CACNA1H: variants seen among roughly 807,000 people sequenced by gnomAD.
CACNA1H encodes the protein calcium voltage-gated channel subunit alpha1 H, also known as voltage-dependent T-type calcium channel subunit alpha-1H.
A neutral mutation model predicts 192.5 loss-of-function variants in CACNA1H; 149 were observed. The observed-to-expected ratio is 0.77, with a 90% CI of 0.68 to 0.89. The LOEUF is 0.89. Among genes scored for constraint, CACNA1H ranks in the 40% least tolerant of loss-of-function variants. The pLI is 0.00. For synonymous variants in CACNA1H, 2,202 were observed against 1,475.2 expected, an observed-to-expected ratio of 1.49 and a Z score of -11.29; for missense variants, 4,257 against 3,423.5, an observed-to-expected ratio of 1.24 and a Z score of -6.08.
chr16:1,206,337 A>T (rs577105128), intron 12 of CACNA1H, 48 bp downstream of exon 12: 2 of 1,516,776 alleles, frequency 1.3e-6, no homozygotes, highest in African/African-American at 2.8e-5. Flanking sequence ...ACCCCAGGGC[A>T]GCTGGGAGGC....
chr16:1,195,413 C>T lies in CACNA1H; in HGVS notation c.412-19C>T, dbSNP rs1431849372. 1.2e-5 allele frequency: 19 copies of T among 1,550,768 alleles called. No homozygotes were observed. Among genetic ancestry groups the T allele is most frequent in the Non-Finnish European group, 1.4e-5 (16 of 1,146,924 alleles). The stretch of plus-strand genomic sequence containing the variant: ...GAGCTGAGCTGTTCCACGGGCCCTC[C>T]TGATGCCTCCTCCCGCAGGCCTTTG... On this transcript the variant is annotated intron_variant, in intron 3 of 34. Coordinates refer to ENST00000348261, the MANE Select transcript of CACNA1H (RefSeq NM_021098.3).
At chr16:1,155,676 C>T (rs542447395) in intron 2 of CACNA1H, among the ~76,000 whole-genome samples, 24 of 152,302 alleles carry the variant, frequency 1.6e-4, no homozygotes, top group African/African-American at 3.4e-4. Context: ...TTCACAGCCC[C>T]GGGCCTGGCT....
At chr16:1,177,748 G>A (rs1302245508) in intron 2 of CACNA1H, among the ~76,000 whole-genome samples, 1 of 151,876 alleles carries the variant, frequency 6.6e-6, no homozygotes, top group South Asian at 2.1e-4. Flanking sequence ...GCAGACGCCT[G>A]CTTCTGCCTG....
intron 34 of CACNA1H, among the ~76,000 whole-genome samples, chr16:1,219,340 C>T (rs1019570101): frequency 3.3e-5 from 5 of 152,232 alleles, no homozygotes; most frequent in African/African-American, 9.6e-5. Flanking sequence ...CCTGTGGCTA[C>T]AGAGCTCTTG....
chr16:1,218,668 G>A lies in CACNA1H; in HGVS notation c.5887+17G>A, dbSNP rs1200774010. On this transcript the variant is annotated intron_variant, in intron 33 of 34. Transcript: ENST00000348261. ...CCCCCTTGGGTATGGTAGCCAGCAG[G>A]AAGATATGGGCTGGGTGGGAAGCAG... 2.1e-6 allele frequency: 3 copies of A among 1,459,978 alleles called. No homozygotes were observed. Among genetic ancestry groups the A allele is most frequent in the Non-Finnish European group, 2.7e-6 (3 of 1,091,962 alleles). 90.4% of individuals were successfully genotyped at this position (1,459,978 alleles called of 1,614,324 possible). A position where few individuals can be genotyped will look rare whatever the true frequency, so the allele number is the denominator to read the frequency against.
rs1596338554 is a variant in CACNA1H, at chr16:1,180,469, G to T, written c.300-14503G>T. ...CCAGTGGTGGGACTGGAGGTGCCGT[G>T]GAGGGTGGGCCTGTGTCCTGGTGTC... On this transcript the variant is annotated intron_variant, in intron 2 of 34. Coordinates refer to ENST00000348261, the MANE Select transcript of CACNA1H (RefSeq NM_021098.3). This position sits in a 1 kb window ranked among gnomAD's most constrained non-coding sequence, Gnocchi z 4.4. 3.9e-5 allele frequency among the ~76,000 whole-genome samples: 6 copies of T among 152,290 alleles called. No individual in the cohort carries two copies. The South Asian group carries it at 1.2e-3, about 32-fold the overall frequency.
intron 9 of CACNA1H, among the ~76,000 whole-genome samples, chr16:1,202,830 G>A (rs537064514): frequency 2.6e-5 from 4 of 152,104 alleles, no homozygotes; most frequent in Non-Finnish European, 5.9e-5. Context: ...AGCGTCCTTC[G>A]TGGCCATTGA....
At chr16:1,161,198 C>G (rs770286313) in intron 2 of CACNA1H, among the ~76,000 whole-genome samples, 3 of 152,236 alleles carry the variant, frequency 2.0e-5, no homozygotes, top group Non-Finnish European at 2.9e-5. Context: ...GTGGGTGCTT[C>G]TGCCGTTGGC....
chr16:1,162,004 T>G (rs1272163570), intron 2 of CACNA1H, among the ~76,000 whole-genome samples: 1 of 152,030 alleles, frequency 6.6e-6, no homozygotes, highest in African/African-American at 2.4e-5. Context: ...CTGGCAGAGG[T>G]GGGCACTGAG....
chr16:1,212,134 C>T lies in CACNA1H; in HGVS notation c.4755C>T (p.Arg1585=), dbSNP rs767246567. ...GGCTGCGGCGCCTAGAGAGGAGGCGCAGGAGTAAGGCGCTCCCGGTGGCGG... is the reference window on the plus strand; with the variant it reads ...GGCTGCGGCGCCTAGAGAGGAGGCGTAGGAGTAAGGCGCTCCCGGTGGCGG... The part of the protein sequence containing the change: ...EKRLRRLERR[R]RSTFPSPEAQ... The change falls in exon 25 of 35, where the codon CGC becomes CGT. Residue 1585 remains arginine, a synonymous_variant. Coordinates refer to ENST00000348261, the MANE Select transcript of CACNA1H (RefSeq NM_021098.3). 1.9e-6 allele frequency: 3 copies of T among 1,604,916 alleles called. No individual in the cohort carries two copies. Among genetic ancestry groups the T allele is most frequent in the South Asian group, 2.2e-5 (2 of 90,960 alleles).
In CACNA1H at chr16:1,211,883, G is replaced by C. The variant is rs1030933523; in HGVS notation, c.4567-63G>C. The C allele has an allele frequency of 2.5e-6, 4 of 1,610,192 alleles. No individual in the cohort carries two copies. The Admixed American group carries it at 6.7e-5, about 27-fold the overall frequency. ...GCCTTGGCCTCTGGGGACTCGGGGG[G>C]CCATCCTGGGTAGGGCCCCTGGCGG... On this transcript the variant is annotated intron_variant, in intron 24 of 34. Transcript: ENST00000348261.
At chr16:1,175,672 C>G (rs145855091) in intron 2 of CACNA1H, among the ~76,000 whole-genome samples, 18 of 152,350 alleles carry the variant, frequency 1.2e-4, no homozygotes, top group Admixed American at 5.9e-4. Context: ...CTAGTTACTC[C>G]GCAGATGCCG....
At chr16:1,165,714 C>T (rs1963695429) in intron 2 of CACNA1H, among the ~76,000 whole-genome samples, 2 of 152,240 alleles carry the variant, frequency 1.3e-5, no homozygotes, top group African/African-American at 2.4e-5. Flanking sequence ...GGGCTGCCTC[C>T]CTGCCCCCAC....
Position 1,206,298 on chromosome 16 carries a change from A to G in CACNA1H, c.2789+9A>G, listed in dbSNP as rs1968695390. The stretch of plus-strand genomic sequence containing the variant: ...TTCATTTTCATCTTCAGGTGGGCGC[A>G]ACCCCCCTCCCGGCCCGCCCAGTGT... On this transcript the variant is annotated intron_variant, in intron 12 of 34. Transcript: ENST00000348261. 2 of 1,550,010 alleles carry G rather than the reference A, an allele frequency of 1.3e-6. No individual in the cohort carries two copies. The highest frequency in any genetic ancestry group is 1.4e-5 in the African/African-American group (1 of 73,050).
rs1965388489 is a variant in CACNA1H, at chr16:1,180,794, GACCA to G, written c.300-14177_300-14174del. Among the ~76,000 whole-genome samples the G allele has an allele frequency of 6.6e-6, 1 of 152,136 alleles. No homozygotes were observed. The highest frequency in any genetic ancestry group is 1.5e-5 in the Non-Finnish European group (1 of 67,994). ...ACAGGGAGGCCCCTTAGGTGAAGAG[GACCA>G]GAGTGAGGTCAGCCCTGGTCCACAG... On this transcript the variant is annotated intron_variant, in intron 2 of 34. Coordinates refer to ENST00000348261, the MANE Select transcript of CACNA1H (RefSeq NM_021098.3). The surrounding 1 kb of genome is among the most constrained non-coding windows in gnomAD (Gnocchi z 4.4).
At position 1,200,501 on chromosome 16, in the gene CACNA1H, G is replaced by C; in HGVS notation, c.1049G>C (p.Gly350Ala). 7 of 1,612,284 alleles carry C rather than the reference G, an allele frequency of 4.3e-6. No individual in the cohort carries two copies. The highest frequency in any genetic ancestry group is 5.9e-6 in the Non-Finnish European group (7 of 1,179,726). The change falls in exon 7 of 35, where the codon GGT (glycine) becomes GCT (alanine). Residue 350 changes from glycine (G) to alanine (A), a missense_variant. Coordinates refer to ENST00000348261, the MANE Select transcript of CACNA1H (RefSeq NM_021098.3). ...CAGTACTACAACGTGTGCCGCTCGGGTGACTCCAACCCCCACAACGGTGCC... is the reference window on the plus strand; with the variant it reads ...CAGTACTACAACGTGTGCCGCTCGGCTGACTCCAACCCCCACAACGGTGCC... ...WNQYYNVCRS[G>A]DSNPHNGAIN...
At position 1,204,588 on chromosome 16, in the gene CACNA1H, G is replaced by A. The variant is rs568931820; in HGVS notation, c.2451+130G>A. 63 of 709,838 alleles carry A rather than the reference G, an allele frequency of 8.9e-5. No homozygotes were observed. In the Middle Eastern group the frequency reaches 1.6e-3, roughly 18 times the overall value. The allele number at this position is 709,838 out of a possible 1,614,324, so 44.0% of individuals were successfully genotyped here. A position where few individuals can be genotyped will look rare whatever the true frequency, so the allele number is the denominator to read the frequency against. ...CGGTCAGGCAGGGCTCTAGAAAGCCGGGGATGGTGAGGATAGGAGACCAGG... is the reference window on the plus strand; with the variant it reads ...CGGTCAGGCAGGGCTCTAGAAAGCCAGGGATGGTGAGGATAGGAGACCAGG... On this transcript the variant is annotated intron_variant, in intron 10 of 34. Transcript: ENST00000348261.
At chr16:1,177,004 G>A (rs1229864360) in intron 2 of CACNA1H, among the ~76,000 whole-genome samples, 1 of 152,104 alleles carries the variant, frequency 6.6e-6, no homozygotes, top group Non-Finnish European at 1.5e-5. Context: ...GAAAAGGCCT[G>A]GGCAGCCTCA....
chr16:1,159,042 C>T (rs1223029826), intron 2 of CACNA1H, among the ~76,000 whole-genome samples: 4 of 152,254 alleles, frequency 2.6e-5, no homozygotes, highest in Admixed American at 2.0e-4. Flanking sequence ...CCCTGTTCGC[C>T]TGCCTGAGGC....
Sources: gnomAD v4.1 joint callset for allele counts (sites outside exome capture counted in the v4.1 genomes callset) on GRCh38, gnomAD v4.1.1 for gene constraint, Gnocchi (gnomAD v3.1) non-coding constraint, MANE v1.5 for transcripts, NCBI Gene and HGNC (gene_info 2026-07-23, HGNC 2026-07-21) for gene names.